Variants in KCNMA1 observed in about 807,000 individuals in gnomAD.
The protein encoded by KCNMA1 is potassium calcium-activated channel subfamily M alpha 1.
A neutral mutation model predicts 140.0 loss-of-function variants in KCNMA1; 29 were observed. That is an observed-to-expected ratio of 0.21 (90% confidence interval 0.15 to 0.28). KCNMA1 has a LOEUF of 0.28. Ranked by LOEUF, KCNMA1 falls within the 10% of genes least tolerant of loss-of-function variation. KCNMA1 has a pLI of 1.00. For missense variants in KCNMA1, 880 were observed against 1,602.2 expected (o/e 0.55, Z 7.70); for synonymous variants, 612 against 611.9 (o/e 1.00, Z 0.00).
intron 14 of KCNMA1, among the ~76,000 whole-genome samples, chr10:77,061,432 A>C (rs2095746480): frequency 6.6e-6 from 1 of 152,244 alleles, no homozygotes; most frequent in Non-Finnish European, 1.5e-5. Context: ...AGGGAAATAC[A>C]CGTGAAAACC....
chr10:77,254,192 A>T (rs1430014567), intron 2 of KCNMA1, among the ~76,000 whole-genome samples: 1 of 150,934 alleles, frequency 6.6e-6, no homozygotes, highest in Non-Finnish European at 1.5e-5. Context: ...AAAACAGAAG[A>T]TGGGAGGCCA....
chr10:77,296,476 G>C (rs1038359254), intron 2 of KCNMA1, among the ~76,000 whole-genome samples: 1 of 152,162 alleles, frequency 6.6e-6, no homozygotes, highest in Non-Finnish European at 1.5e-5. Flanking sequence ...TGTTACAGCA[G>C]CAACAGGGAA....
At chr10:77,442,401 G>A (rs572191392) in intron 1 of KCNMA1, among the ~76,000 whole-genome samples, 1 of 152,050 alleles carries the variant, frequency 6.6e-6, no homozygotes, top group East Asian at 1.9e-4. Context: ...CCACACATAA[G>A]CACTCTCCTG....
At chr10:76,883,721 G>GTTTT (rs113872996), downstream of KCNMA1, among the ~76,000 whole-genome samples, 2,132 of 113,052 alleles carry the variant, frequency 0.019, 35 homozygotes, top group East Asian at 0.048. Context: ...TTACTTCCTT[G>GTTTT]TTTTTTTTTT....
chr10:77,347,324 G>A (rs914661380), intron 2 of KCNMA1, among the ~76,000 whole-genome samples: 2 of 152,228 alleles, frequency 1.3e-5, no homozygotes, highest in African/African-American at 4.8e-5. Context: ...CAACAGAGAA[G>A]ACTGATGGTC....
chr10:77,552,216 C>T (rs148532635), intron 1 of KCNMA1, among the ~76,000 whole-genome samples: 4 of 152,244 alleles, frequency 2.6e-5, no homozygotes, highest in Admixed American at 6.5e-5. Flanking sequence ...CCCTGAGGGC[C>T]GTGGCTGCCT....
chr10:77,089,414 G>A (rs1047783474), intron 10 of KCNMA1, among the ~76,000 whole-genome samples: 30 of 152,272 alleles, frequency 2.0e-4, no homozygotes, highest in African/African-American at 7.2e-4. Context: ...CATAAAAGAA[G>A]ATGACCATGG....
chr10:77,216,401 A>G (rs1479729289), intron 3 of KCNMA1, among the ~76,000 whole-genome samples: 1 of 152,200 alleles, frequency 6.6e-6, no homozygotes, highest in African/African-American at 2.4e-5. Flanking sequence ...GAAGGGTGAG[A>G]GAAGCGGGAG....
Position 77,276,658 on chromosome 10 carries a change from T to C in KCNMA1, c.541-25402A>G, listed in dbSNP as rs150306852. The stretch of plus-strand genomic sequence containing the variant: ...TTTGTTCATACACAGATTGACCCAG[T>C]AACTACCCTGAACCAGATCCCCAGG... On this transcript the variant is annotated intron_variant, in intron 2 of 27. Coordinates refer to ENST00000286628, the MANE Select transcript of KCNMA1 (RefSeq NM_001161352.2). Among the ~76,000 whole-genome samples the C allele has an allele frequency of 2.7e-3, 418 of 152,234 alleles. 1 individual carries two copies. Among genetic ancestry groups the C allele is most frequent in the African/African-American group, 9.4e-3 (392 of 41,540 alleles).
chr10:77,499,454 CACAT>C (rs2154544622), intron 1 of KCNMA1, among the ~76,000 whole-genome samples: 1 of 150,446 alleles, frequency 6.6e-6, no homozygotes, highest in South Asian at 2.1e-4. Flanking sequence ...CACACACACA[CACAT>C]ATATATATAC....
At chr10:76,909,717 A>G (rs1397890896) in intron 25 of KCNMA1, among the ~76,000 whole-genome samples, 5 of 152,202 alleles carry the variant, frequency 3.3e-5, no homozygotes, top group Admixed American at 3.3e-4. Flanking sequence ...GGGATCCCCA[A>G]AACCAGGTCA....
chr10:77,002,169 G>T (rs994833444), intron 18 of KCNMA1, among the ~76,000 whole-genome samples: 1 of 152,152 alleles, frequency 6.6e-6, no homozygotes, highest in African/African-American at 2.4e-5. Context: ...TGAACTTCCC[G>T]AGAGTGAGTT....
chr10:77,335,779 A>G (rs1566056995), intron 2 of KCNMA1, among the ~76,000 whole-genome samples: 5 of 152,174 alleles, frequency 3.3e-5, no homozygotes. Context: ...TGAGAAAACC[A>G]AGGCTCTAGG....
chr10:77,456,900 AC>A (rs1298807369), intron 1 of KCNMA1, among the ~76,000 whole-genome samples: 1 of 152,190 alleles, frequency 6.6e-6, no homozygotes, highest in African/African-American at 2.4e-5. Context: ...GAGTATAGAC[AC>A]TGTCGCTATG....
chr10:77,513,610 C>T (rs2049217462), intron 1 of KCNMA1, among the ~76,000 whole-genome samples: 1 of 152,112 alleles, frequency 6.6e-6, no homozygotes, highest in South Asian at 2.1e-4. Context: ...AAATAGGAAA[C>T]AAGGGGAGAA....
chr10:77,617,605 C>A (rs1418340635), intron 1 of KCNMA1, among the ~76,000 whole-genome samples: 1 of 152,162 alleles, frequency 6.6e-6, no homozygotes, highest in Non-Finnish European at 1.5e-5. Flanking sequence ...AGACAGAAAA[C>A]CCTGGGTTCT....
In KCNMA1 at chr10:77,505,976, G is replaced by A. The variant is rs371992762; in HGVS notation, c.379-101953C>T. Among the ~76,000 whole-genome samples the A allele has an allele frequency of 1.4e-4, 21 of 152,154 alleles. No individual in the cohort carries two copies. In the East Asian group the frequency reaches 1.5e-3, roughly 11 times the overall value. Reference sequence around the variant, plus strand: ...CAGCAGTGGAGAAGAGTTGAGCCACGAGGATTTGGCAACTGACTAGAGAAG... The same window carrying A: ...CAGCAGTGGAGAAGAGTTGAGCCACAAGGATTTGGCAACTGACTAGAGAAG... On this transcript the variant is annotated intron_variant, in intron 1 of 27. Transcript: ENST00000286628.
At chr10:77,258,130 A>C (rs1318136322) in intron 2 of KCNMA1, among the ~76,000 whole-genome samples, 1 of 152,248 alleles carries the variant, frequency 6.6e-6, no homozygotes, top group Non-Finnish European at 1.5e-5. Context: ...AGATTGAAAC[A>C]GATGATTATG....
intron 19 of KCNMA1, among the ~76,000 whole-genome samples, chr10:76,975,687 A>G (rs1752611019): frequency 6.6e-6 from 1 of 152,214 alleles, no homozygotes; most frequent in African/African-American, 2.4e-5. Flanking sequence ...AAAGTGGGTG[A>G]TGTCCTTGGA....
Sources: gnomAD v4.1 joint callset for allele counts (sites outside exome capture counted in the v4.1 genomes callset) on GRCh38, gnomAD v4.1.1 for gene constraint, MANE v1.5 for transcripts, NCBI Gene and HGNC (gene_info 2026-07-23, HGNC 2026-07-21) for gene names.